The following HOOK3 variants were observed in gnomAD, a reference collection of about 807,000 sequenced individuals.
HOOK3 encodes the protein hook microtubule tethering protein 3.
A neutral mutation model predicts 116.3 loss-of-function variants in HOOK3; 24 were observed. The observed-to-expected ratio is 0.21, with a 90% CI of 0.15 to 0.29. The LOEUF is 0.29. HOOK3 is among the 10% of genes least tolerant of loss of function. HOOK3 has a pLI of 1.00. For synonymous variants in HOOK3, 275 were observed against 283.0 expected (o/e 0.97, Z 0.28); for missense variants, 632 against 830.2 (o/e 0.76, Z 2.93).
intron 21 of HOOK3, among the ~76,000 whole-genome samples, chr8:43,014,567 G>A (rs1029396264): frequency 1.3e-5 from 2 of 151,784 alleles, no homozygotes; most frequent in African/African-American, 4.8e-5. Context: ...GGCCAGGCTG[G>A]TCTCGAACTC....
At chr8:42,914,060 C>G (rs1807485179) in intron 2 of HOOK3, among the ~76,000 whole-genome samples, 1 of 152,138 alleles carries the variant, frequency 6.6e-6, no homozygotes, top group Non-Finnish European at 1.5e-5. Flanking sequence ...CTTTGTCAGG[C>G]TTCTCAAGTG....
In HOOK3 at chr8:43,025,571, G is replaced by A; in HGVS notation, c.*7073G>A. On this transcript the variant is annotated 3_prime_UTR_variant, in exon 22 of 22. Coordinates refer to ENST00000307602, the MANE Select transcript of HOOK3 (RefSeq NM_032410.4). ...TTTTCTAATTGTCCTTCCCTTCATTGAGTATTAACTAGGTGCATAATGTAG... is the reference window on the plus strand; with the variant it reads ...TTTTCTAATTGTCCTTCCCTTCATTAAGTATTAACTAGGTGCATAATGTAG... 4.7e-6 allele frequency: 1 copy of A among 210,576 alleles called. No individual in the cohort carries two copies. Among genetic ancestry groups the A allele is most frequent in the Non-Finnish European group, 9.6e-6 (1 of 103,758 alleles). The allele number at this position is 210,576 out of a possible 1,614,324, so 13.0% of individuals were successfully genotyped here.
intron 1 of HOOK3, among the ~76,000 whole-genome samples, chr8:42,899,644 A>G (rs1256301799): frequency 6.6e-6 from 1 of 152,234 alleles, no homozygotes; most frequent in Non-Finnish European, 1.5e-5. Context: ...ATACACTCCA[A>G]AGAAAAGACT....
intron 3 of HOOK3, among the ~76,000 whole-genome samples, chr8:42,928,365 T>C (rs1006418011): frequency 6.6e-6 from 1 of 150,788 alleles, no homozygotes; most frequent in Admixed American, 6.6e-5. Context: ...GCATGAGAAT[T>C]GCTTGAACCC....
At chr8:42,980,920 T>G (rs912248555) in intron 13 of HOOK3, among the ~76,000 whole-genome samples, 2 of 152,068 alleles carry the variant, frequency 1.3e-5, no homozygotes, top group African/African-American at 4.8e-5. Flanking sequence ...CAAGTGAGCA[T>G]GCTCAACCCC....
intron 5 of HOOK3, among the ~76,000 whole-genome samples, chr8:42,946,340 T>C (rs909219971): frequency 1.3e-5 from 2 of 152,096 alleles, no homozygotes; most frequent in Non-Finnish European, 1.5e-5. Flanking sequence ...AAGAGTAATG[T>C]AAATAGTAGA....
At chr8:43,012,237 G>A (rs1414417279) in intron 19 of HOOK3, among the ~76,000 whole-genome samples, 1 of 152,216 alleles carries the variant, frequency 6.6e-6, no homozygotes, top group Non-Finnish European at 1.5e-5. Flanking sequence ...GTGTACTTAT[G>A]CAAAACTGTA....
rs1218600623 is a variant in HOOK3, at chr8:42,945,395, C to T, written c.400+1950C>T. On this transcript the variant is annotated intron_variant, in intron 5 of 21. Coordinates refer to ENST00000307602, the MANE Select transcript of HOOK3 (RefSeq NM_032410.4). ...CATGATCTCAGCTCACTGCAACCTC[C>T]ACCTCCTGGGTTCAAGCGATTCTCC... Among the ~76,000 whole-genome samples the T allele has an allele frequency of 3.3e-5, 5 of 152,204 alleles. No individual in the cohort carries two copies. The East Asian group carries it at 9.6e-4, about 29-fold the overall frequency.
At chr8:42,958,303 C>G (rs143403159) in intron 7 of HOOK3, among the ~76,000 whole-genome samples, 18 of 152,014 alleles carry the variant, frequency 1.2e-4, no homozygotes, top group African/African-American at 4.3e-4. Context: ...CAATTTTAAC[C>G]CAAGCTTTAA....
chr8:42,941,719 G>A (rs1202171979), intron 4 of HOOK3, among the ~76,000 whole-genome samples: 1 of 151,904 alleles, frequency 6.6e-6, no homozygotes, highest in African/African-American at 2.4e-5. Flanking sequence ...TAACTTATGA[G>A]GACCTAAGTG....
intron 16 of HOOK3, chr8:43,000,274 A>G (rs1371440928): frequency 7.0e-6 from 9 of 1,286,114 alleles, no homozygotes; most frequent in Non-Finnish European, 9.1e-6. Context: ...GCTCAAGGCT[A>G]TTGTAAGTAT....
chr8:43,007,927 G>A lies in HOOK3; in HGVS notation c.1736G>A (p.Ser579Asn). 1 of 1,581,900 alleles carries A rather than the reference G, an allele frequency of 6.3e-7. No individual in the cohort carries two copies. The highest frequency in any genetic ancestry group is 8.6e-7 in the Non-Finnish European group (1 of 1,157,440). ...GATCTCGAGCCAAGATTTAACAACA[G>A]CTGTGAGTTTTCCTAATTAGGATAG... The part of the protein sequence containing the change: ...IEDLEPRFNN[S>N]SLKIEELQEA... Residue 579 changes from serine (S) to asparagine (N), a missense_variant and splice_region_variant, in exon 18 of 22, where the codon AGC becomes AAC. This residue lies in a region of HOOK3 where 483 missense variants were observed against 648.1 expected (regional missense o/e 0.75). Coordinates refer to ENST00000307602, the MANE Select transcript of HOOK3 (RefSeq NM_032410.4).
chr8:42,945,929 T>C (rs909766452), intron 5 of HOOK3, among the ~76,000 whole-genome samples: 1 of 152,160 alleles, frequency 6.6e-6, no homozygotes, highest in Non-Finnish European at 1.5e-5. Context: ...ATAATTAATA[T>C]CTTTTTTATA....
chr8:42,963,116 T>C (rs1026269697), intron 8 of HOOK3, among the ~76,000 whole-genome samples: 4 of 152,178 alleles, frequency 2.6e-5, no homozygotes, highest in Non-Finnish European at 4.4e-5. Flanking sequence ...GTCTGACTTC[T>C]TACGTTATTT....
chr8:43,006,502 T>C (rs1371065359), intron 17 of HOOK3, among the ~76,000 whole-genome samples: 2 of 152,084 alleles, frequency 1.3e-5, no homozygotes, highest in African/African-American at 4.8e-5. Flanking sequence ...TTTTGTATTT[T>C]AGTAGAGATG....
chr8:42,933,465 A>G lies in HOOK3; in HGVS notation c.267+3293A>G, dbSNP rs1807908732. Among the ~76,000 whole-genome samples the G allele has an allele frequency of 3.9e-5, 6 of 152,300 alleles. No individual in the cohort carries two copies. In the South Asian group the frequency reaches 1.2e-3, roughly 32 times the overall value. Reference sequence around the variant, plus strand: ...TACACCATTATTCCATTATATTAACATTTCTGCAGCAAAACATAAGATTAT... The same window carrying G: ...TACACCATTATTCCATTATATTAACGTTTCTGCAGCAAAACATAAGATTAT... On this transcript the variant is annotated intron_variant, in intron 4 of 21. Transcript: ENST00000307602.
chr8:42,974,821 T>G (rs1221073715), intron 13 of HOOK3, among the ~76,000 whole-genome samples: 1 of 152,168 alleles, frequency 6.6e-6, no homozygotes, highest in Admixed American at 6.5e-5. Flanking sequence ...CCAGACAGTC[T>G]CTGCGGCTCC....
rs1809840300 is a variant in HOOK3 at position 43,022,085 on chromosome 8, T to TAAAAGAAAA, written c.*3591_*3592insGAAAAAAAA. On this transcript the variant is annotated 3_prime_UTR_variant, in exon 22 of 22. Transcript: ENST00000307602. ...TGTTTAAAAACAAAACAGGCTGTTG[T>TAAAAGAAAA]AAAAAAAAAAAAAAAAAAAACTTCT... 1 of 140,866 alleles carries TAAAAGAAAA rather than the reference T, an allele frequency of 7.1e-6. No individual in the cohort carries two copies. The highest frequency in any genetic ancestry group is 1.5e-5 in the Non-Finnish European group (1 of 68,544). The allele number at this position is 140,866 out of a possible 1,614,324, so 8.7% of individuals were successfully genotyped here.
intron 17 of HOOK3, among the ~76,000 whole-genome samples, chr8:43,003,554 A>G (rs564444113): frequency 2.0e-5 from 3 of 152,236 alleles, no homozygotes; most frequent in Non-Finnish European, 4.4e-5. Context: ...AATCTTCATC[A>G]GAAAGGATTT....
Sources: gnomAD v4.1 joint callset for allele counts (sites outside exome capture counted in the v4.1 genomes callset) on GRCh38, gnomAD v4.1.1 for gene constraint, gnomAD v4.1.1 regional missense constraint, MANE v1.5 for transcripts, NCBI Gene and HGNC (gene_info 2026-07-23, HGNC 2026-07-21) for gene names.